The following PTPRO variants were observed in gnomAD, a reference collection of about 807,000 sequenced individuals.
PTPRO encodes receptor-type tyrosine-protein phosphatase O.
PTPRO carries 62 observed loss-of-function variants against 145.2 expected under a neutral mutation model. The observed-to-expected ratio is 0.43, with a 90% CI of 0.35 to 0.53. The LOEUF (loss-of-function observed/expected upper bound fraction) is 0.53, where lower values mean the gene tolerates loss of function less well. Among genes scored for constraint, PTPRO ranks in the 20% least tolerant of loss-of-function variants. The pLI is 0.01. For synonymous variants in PTPRO, 565 were observed against 514.7 expected, an observed-to-expected ratio of 1.10 and a Z score of -1.32; for missense variants, 1,345 against 1,482.7, an observed-to-expected ratio of 0.91 and a Z score of 1.53.
chr12:15,368,345 T>C (rs1388544920), intron 1 of PTPRO, among the ~76,000 whole-genome samples: 1 of 152,234 alleles, frequency 6.6e-6, no homozygotes, highest in African/African-American at 2.4e-5. Flanking sequence ...CTAGCCACTT[T>C]ATATAAAGGT....
At chr12:15,336,060 AACAT>A (rs2136207348) in intron 1 of PTPRO, among the ~76,000 whole-genome samples, 1 of 152,304 alleles carries the variant, frequency 6.6e-6, no homozygotes, top group African/African-American at 2.4e-5. Flanking sequence ...ATTCTGTAAT[AACAT>A]ACAAAGAACT....
chr12:15,420,130 G>A (rs1354152266), intron 1 of PTPRO, among the ~76,000 whole-genome samples: 2 of 108,090 alleles, frequency 1.9e-5, no homozygotes, highest in African/African-American at 3.7e-5. Context: ...CTGGGCGAAA[G>A]AGCGAGACTC....
intron 1 of PTPRO, among the ~76,000 whole-genome samples, chr12:15,383,090 T>C (rs1183215600): frequency 1.3e-5 from 2 of 152,220 alleles, no homozygotes; most frequent in African/African-American, 4.8e-5. Flanking sequence ...AAGCTTCGTG[T>C]TCTTTGACCA....
At chr12:15,510,305 G>A (rs756029127) in intron 7 of PTPRO, among the ~76,000 whole-genome samples, 37 of 152,116 alleles carry the variant, frequency 2.4e-4, no homozygotes, top group African/African-American at 7.2e-4. Context: ...ATGCTAAACC[G>A]ATTAACTAGT....
At position 15,459,489 on chromosome 12, in the gene PTPRO, A is replaced by C. The variant is rs574953869; in HGVS notation, c.76-24485A>C. ...TTTCCTCCCAAGCATATAGCAATACACTGAGGGTGGGGATTATGGTTAGAG... is the reference window on the plus strand; with the variant it reads ...TTTCCTCCCAAGCATATAGCAATACCCTGAGGGTGGGGATTATGGTTAGAG... On this transcript the variant is annotated intron_variant, in intron 1 of 26. Coordinates refer to ENST00000281171, the MANE Select transcript of PTPRO (RefSeq NM_030667.3). Among the ~76,000 whole-genome samples, 8 of 152,314 alleles carry C rather than the reference A, an allele frequency of 5.3e-5. No individual in the cohort carries two copies. In the East Asian group the frequency reaches 1.5e-3, roughly 29 times the overall value.
intron 1 of PTPRO, among the ~76,000 whole-genome samples, chr12:15,442,551 C>T (rs1030191826): frequency 6.6e-6 from 1 of 152,056 alleles, no homozygotes. Flanking sequence ...AGAAGTCAAA[C>T]TATCTCTCTT....
At chr12:15,331,452 T>C (rs1383477481) in intron 1 of PTPRO, among the ~76,000 whole-genome samples, 2 of 152,160 alleles carry the variant, frequency 1.3e-5, no homozygotes, top group Non-Finnish European at 2.9e-5. Context: ...TTACTGGCAG[T>C]AGGATGCTGG....
chr12:15,595,151 A>G (rs1035534744), intron 26 of PTPRO, 94 bp downstream of exon 26: 7 of 810,520 alleles, frequency 8.6e-6, no homozygotes, highest in Non-Finnish European at 2.1e-6. Flanking sequence ...AGCCATTTGT[A>G]TTGACTCTGA....
At chr12:15,417,969 T>C (rs1940029319) in intron 1 of PTPRO, among the ~76,000 whole-genome samples, 1 of 151,822 alleles carries the variant, frequency 6.6e-6, no homozygotes, top group Non-Finnish European at 1.5e-5. Context: ...CATCTGCAAA[T>C]TGTTTGTTAC....
Position 15,400,054 on chromosome 12 carries a change from A to G in PTPRO, c.75+77253A>G, listed in dbSNP as rs1939447154. 2.1e-5 allele frequency among the ~76,000 whole-genome samples: 3 copies of G among 142,696 alleles called. No individual in the cohort carries two copies. In the East Asian group the frequency reaches 6.1e-4, roughly 29 times the overall value. The allele number at this position is 142,696 out of a possible 152,430, so 93.6% of individuals were successfully genotyped here. A position where few individuals can be genotyped will look rare whatever the true frequency, so the allele number is the denominator to read the frequency against. On this transcript the variant is annotated intron_variant, in intron 1 of 26. Coordinates refer to ENST00000281171, the MANE Select transcript of PTPRO (RefSeq NM_030667.3). ...TGACAGAGCAAGACTCTTGTCTCAA[A>G]AAAAAAAAAAAAAAAAGAGCCAGGT...
chr12:15,516,346 A>G (rs920938124), intron 8 of PTPRO, among the ~76,000 whole-genome samples: 31 of 150,256 alleles, frequency 2.1e-4, no homozygotes, highest in Admixed American at 5.3e-4. Flanking sequence ...CAAAAAAAAA[A>G]AAAGAAAAGA....
chr12:15,341,578 A>G (rs1395715765), intron 1 of PTPRO, among the ~76,000 whole-genome samples: 1 of 152,238 alleles, frequency 6.6e-6, no homozygotes, highest in Non-Finnish European at 1.5e-5. Flanking sequence ...CTGTTTCATG[A>G]TAATTTTTGA....
At chr12:15,426,601 A>G (rs1450337265) in intron 1 of PTPRO, among the ~76,000 whole-genome samples, 8 of 151,988 alleles carry the variant, frequency 5.3e-5, no homozygotes, top group African/African-American at 1.9e-4. Flanking sequence ...TAGGTTCTCA[A>G]TCTTTTGTCT....
At chr12:15,420,483 T>C (rs116950760) in intron 1 of PTPRO, among the ~76,000 whole-genome samples, 2,135 of 151,772 alleles carry the variant, frequency 0.014, 28 homozygotes, top group South Asian at 0.034. Flanking sequence ...GCCATTCCAA[T>C]TGTGGAAACT....
At chr12:15,373,072 C>A (rs1052017839) in intron 1 of PTPRO, among the ~76,000 whole-genome samples, 2 of 152,062 alleles carry the variant, frequency 1.3e-5, no homozygotes, top group African/African-American at 2.4e-5. Context: ...TACATGGAAT[C>A]AAGTGAAAAT....
intron 1 of PTPRO, among the ~76,000 whole-genome samples, chr12:15,370,167 G>A (rs541473518): frequency 2.0e-5 from 3 of 152,256 alleles, no homozygotes; most frequent in African/African-American, 7.2e-5. Flanking sequence ...GTCTTTGTAT[G>A]AACTCTAGAT....
chr12:15,571,195 T>C (rs931002894), intron 19 of PTPRO, among the ~76,000 whole-genome samples: 10 of 152,182 alleles, frequency 6.6e-5, no homozygotes, highest in Admixed American at 2.0e-4. Flanking sequence ...TTTGTTTCAC[T>C]GAACAAAGAG....
chr12:15,563,285 A>G lies in PTPRO; in HGVS notation c.2712-2308A>G, dbSNP rs551775176. Among the ~76,000 whole-genome samples, 6 of 151,702 alleles carry G rather than the reference A, an allele frequency of 4.0e-5. No homozygotes were observed. In the South Asian group the frequency reaches 1.1e-3, roughly 27 times the overall value. ...TTTGCAATGAAAAGGCGAACCCTAC[A>G]TGTCACACAAAATCGTCACTGTAAC... On this transcript the variant is annotated intron_variant, in intron 17 of 26. Coordinates refer to ENST00000281171, the MANE Select transcript of PTPRO (RefSeq NM_030667.3).
chr12:15,579,267 T>G (rs1270621893), intron 20 of PTPRO, among the ~76,000 whole-genome samples: 2 of 152,228 alleles, frequency 1.3e-5, no homozygotes, highest in Non-Finnish European at 2.9e-5. Context: ...AATTCATTGG[T>G]AATGGAAAGA....
Sources: allele counts gnomAD v4.1 joint callset (sites outside exome capture counted in the v4.1 genomes callset), GRCh38; gene constraint gnomAD v4.1.1; transcripts MANE v1.5; gene names NCBI Gene and HGNC (gene_info 2026-07-23, HGNC 2026-07-21).